LYPLAL1: variants seen among roughly 807,000 people sequenced by gnomAD.
The protein encoded by LYPLAL1 is lysophospholipase like 1, also known as lysophospholipase-like protein 1.
A neutral mutation model predicts 19.7 loss-of-function variants in LYPLAL1; 23 were observed. The observed-to-expected ratio is 1.17, with a 90% CI of 0.84 to 1.65. The LOEUF (loss-of-function observed/expected upper bound fraction) is 1.65. Ranked by LOEUF, LYPLAL1 falls within the 40% of genes most tolerant of loss-of-function variation. The pLI, the probability that LYPLAL1 is intolerant of heterozygous loss-of-function variation, is 0.00. For synonymous variants in LYPLAL1, 119 were observed against 96.3 expected (o/e 1.24, Z -1.38); for missense variants, 355 against 279.4 (o/e 1.27, Z -1.93).
chr1:219,304,352 A>G, the LYPLAL1 span, among the ~76,000 whole-genome samples: 1 of 152,266 alleles, frequency 6.6e-6, no homozygotes, highest in Non-Finnish European at 1.5e-5. Context: ...AGACAGAGTC[A>G]CTGAAAAATT....
chr1:219,228,506 AT>A, the LYPLAL1 span, among the ~76,000 whole-genome samples: 3,148 of 151,104 alleles, frequency 0.021, 116 homozygotes, highest in African/African-American at 0.072. Context: ...AGTAAATATG[AT>A]TTTTTTTCAC....
At chr1:219,231,298 A>G in the LYPLAL1 span, among the ~76,000 whole-genome samples, 2 of 152,212 alleles carry the variant, frequency 1.3e-5, no homozygotes, top group Non-Finnish European at 2.9e-5. Flanking sequence ...AACATCAAAC[A>G]CTGTGATTGT....
chr1:219,223,483 A>G, the LYPLAL1 span, among the ~76,000 whole-genome samples: 1 of 152,186 alleles, frequency 6.6e-6, no homozygotes, highest in Non-Finnish European at 1.5e-5. Flanking sequence ...GACTTTTCAA[A>G]AATGTAAAAT....
chr1:219,443,824 T>C, the LYPLAL1 span, among the ~76,000 whole-genome samples: 3 of 152,322 alleles, frequency 2.0e-5, no homozygotes, highest in Non-Finnish European at 2.9e-5. Flanking sequence ...TACCCACTTA[T>C]TCAAGTTCAG....
At chr1:219,438,633 T>C in the LYPLAL1 span, among the ~76,000 whole-genome samples, 3 of 152,190 alleles carry the variant, frequency 2.0e-5, no homozygotes, top group African/African-American at 7.2e-5. Context: ...TATAAACACA[T>C]TTTTGACTTT....
chr1:219,232,604 A>C, the LYPLAL1 span, among the ~76,000 whole-genome samples: 1 of 152,302 alleles, frequency 6.6e-6, no homozygotes, highest in African/African-American at 2.4e-5. Flanking sequence ...GCACCTATGA[A>C]ATGGGAGAAA....
the LYPLAL1 span, among the ~76,000 whole-genome samples, chr1:219,296,029 C>A: frequency 6.6e-6 from 1 of 152,076 alleles, no homozygotes; most frequent in Non-Finnish European, 1.5e-5. Flanking sequence ...CTCTCATTGG[C>A]ACATAGTTGG....
chr1:219,300,434 T>C, the LYPLAL1 span, among the ~76,000 whole-genome samples: 1 of 152,026 alleles, frequency 6.6e-6, no homozygotes. Flanking sequence ...TTTTTAAAAA[T>C]TTTTACTTAT....
the LYPLAL1 span, among the ~76,000 whole-genome samples, chr1:219,254,490 C>T: frequency 1.3e-5 from 2 of 151,966 alleles, no homozygotes; most frequent in African/African-American, 4.8e-5. Context: ...TGAATTCCCT[C>T]AACATTTGCT....
the LYPLAL1 span, among the ~76,000 whole-genome samples, chr1:219,279,368 G>A: frequency 6.6e-6 from 1 of 152,204 alleles, no homozygotes; most frequent in East Asian, 1.9e-4. Flanking sequence ...CCAATGCCCA[G>A]ATGAACTGAG....
chr1:219,418,847 T>G, the LYPLAL1 span, among the ~76,000 whole-genome samples: 3 of 152,262 alleles, frequency 2.0e-5, no homozygotes, highest in African/African-American at 4.8e-5. Context: ...GATCATTTTA[T>G]TATCTCTAAA....
chr1:219,220,559 T>C, the LYPLAL1 span, among the ~76,000 whole-genome samples: 1 of 152,142 alleles, frequency 6.6e-6, no homozygotes, highest in Non-Finnish European at 1.5e-5. Context: ...TGGAATATCA[T>C]TGAAAGGAGA....
intron 3 of LYPLAL1, among the ~76,000 whole-genome samples, chr1:219,202,205 A>G (rs10746384): frequency 0.73 from 111,416 of 152,056 alleles, 41,545 homozygotes; most frequent in East Asian, 0.92. Flanking sequence ...CTACCTTTTA[A>G]AGTTGTGGTA....
the LYPLAL1 span, among the ~76,000 whole-genome samples, chr1:219,370,876 A>T: frequency 6.2e-4 from 94 of 152,278 alleles, 1 homozygote; most frequent in East Asian, 0.017. Context: ...CGCACTTAAG[A>T]TAGAGCACCA....
intron 2 of LYPLAL1, among the ~76,000 whole-genome samples, chr1:219,188,432 C>T (rs894203764): frequency 6.6e-6 from 1 of 151,566 alleles, no homozygotes; most frequent in Non-Finnish European, 1.5e-5. Context: ...TTGCAAAGAG[C>T]CCTCTAAGTA....
chr1:219,215,386 G>C (rs1400591907), downstream of LYPLAL1, among the ~76,000 whole-genome samples: 1 of 151,942 alleles, frequency 6.6e-6, no homozygotes, highest in Non-Finnish European at 1.5e-5. Flanking sequence ...GCTGGTTTTA[G>C]TAGTCTCTGT....
chr1:219,340,221 T>C, the LYPLAL1 span, among the ~76,000 whole-genome samples: 3 of 152,112 alleles, frequency 2.0e-5, no homozygotes, highest in Non-Finnish European at 4.4e-5. Context: ...AAAGAAGTTA[T>C]AATGTTCAGT....
At chr1:219,409,998 G>A in the LYPLAL1 span, 1 of 151,992 alleles carries the variant, frequency 6.6e-6, no homozygotes, top group South Asian at 2.1e-4. Context: ...TTACTCTTTC[G>A]GATGTGAAAA....
chr1:219,402,984 C>T, the LYPLAL1 span, among the ~76,000 whole-genome samples: 1 of 152,170 alleles, frequency 6.6e-6, no homozygotes, highest in South Asian at 2.1e-4. Context: ...TATTTGAAAC[C>T]CAGAGAATTA....
Sources: gnomAD v4.1 joint callset for allele counts (sites outside exome capture counted in the v4.1 genomes callset) on GRCh38, gnomAD v4.1.1 for gene constraint, MANE v1.5 for transcripts, NCBI Gene and HGNC (gene_info 2026-07-23, HGNC 2026-07-21) for gene names.